Variants in VPS13B observed in about 807,000 individuals in gnomAD.
VPS13B encodes vacuolar protein sorting 13 homolog B.
VPS13B carries 285 observed loss-of-function variants against 426.4 expected under a neutral mutation model. The ratio of observed to expected loss-of-function variants is 0.67; its 90% CI spans 0.61 to 0.74. The LOEUF is 0.74. VPS13B is among the 30% of genes least tolerant of loss of function. The pLI, the probability that VPS13B is intolerant of heterozygous loss-of-function variation, is 0.00. For synonymous variants in VPS13B, 1,676 were observed against 1,676.4 expected, an observed-to-expected ratio of 1.00 and a Z score of 0.01; for missense variants, 4,537 against 4,782.6, an observed-to-expected ratio of 0.95 and a Z score of 1.51.
At chr8:99,857,242 G>A (rs1188063473) in intron 56 of VPS13B, among the ~76,000 whole-genome samples, 1 of 152,220 alleles carries the variant, frequency 6.6e-6, no homozygotes, top group Non-Finnish European at 1.5e-5. Context: ...ACTGGCAGGA[G>A]CAAGAGGCCG....
chr8:99,404,878 A>G (rs1815241402), intron 21 of VPS13B, among the ~76,000 whole-genome samples: 1 of 152,202 alleles, frequency 6.6e-6, no homozygotes, highest in Non-Finnish European at 1.5e-5. Flanking sequence ...AAGATATGTG[A>G]AAGTTCTTTA....
intron 33 of VPS13B, among the ~76,000 whole-genome samples, chr8:99,587,518 AC>A: frequency 6.6e-6 from 1 of 151,756 alleles, no homozygotes; most frequent in East Asian, 1.9e-4. Context: ...CTCCATTCCA[AC>A]TGGCATGAGA....
At chr8:99,352,816 C>T (rs892989744) in intron 19 of VPS13B, among the ~76,000 whole-genome samples, 1 of 151,118 alleles carries the variant, frequency 6.6e-6, no homozygotes, top group African/African-American at 2.4e-5. Flanking sequence ...AAGAGCAGAA[C>T]TCCATCTCAA....
intron 12 of VPS13B, among the ~76,000 whole-genome samples, chr8:99,140,730 A>C (rs1810373820): frequency 7.1e-6 from 1 of 140,022 alleles, no homozygotes; most frequent in Admixed American, 8.2e-5. Context: ...AGTATACTTT[A>C]GTCATTTTTG....
intron 58 of VPS13B, among the ~76,000 whole-genome samples, chr8:99,862,229 G>A (rs563121876): frequency 6.6e-6 from 1 of 152,360 alleles, no homozygotes; most frequent in South Asian, 2.1e-4. Flanking sequence ...GCATAGTGGT[G>A]TCTGCAAGAG....
chr8:99,164,311 A>G (rs1012072537), intron 15 of VPS13B, among the ~76,000 whole-genome samples: 9 of 152,114 alleles, frequency 5.9e-5, no homozygotes, highest in Non-Finnish European at 1.3e-4. Flanking sequence ...ATGTTGCCCA[A>G]CTCCAGAGGT....
intron 14 of VPS13B, among the ~76,000 whole-genome samples, chr8:99,151,365 T>G (rs2132609320): frequency 6.6e-6 from 1 of 152,326 alleles, no homozygotes; most frequent in East Asian, 1.9e-4. Flanking sequence ...GCAGAAATTT[T>G]GAATTTTTAG....
rs540274820 is a variant in VPS13B, at chr8:99,473,972, G to A, written c.3666+6338G>A. On this transcript the variant is annotated intron_variant, in intron 24 of 61. Transcript: ENST00000357162. ...ACCTCTATCCTGAAAACCATAAAGC[G>A]TTGCTGAGAAAACTTAACACCTGAA... Among the ~76,000 whole-genome samples, 40 of 152,144 alleles carry A rather than the reference G, an allele frequency of 2.6e-4. No individual in the cohort carries two copies. The South Asian group carries it at 6.6e-3, about 25-fold the overall frequency.
At chr8:99,613,556 A>G (rs148598854) in intron 33 of VPS13B, among the ~76,000 whole-genome samples, 104 of 152,304 alleles carry the variant, frequency 6.8e-4, no homozygotes, top group South Asian at 3.7e-3. Context: ...TAGGTGCTTA[A>G]TATGTTTTGT....
At chr8:99,509,355 A>G (rs947397444) in intron 28 of VPS13B, among the ~76,000 whole-genome samples, 2 of 152,144 alleles carry the variant, frequency 1.3e-5, no homozygotes, top group Non-Finnish European at 2.9e-5. Flanking sequence ...AGAGCAGGCT[A>G]TTATTGGGAA....
At chr8:99,741,405 G>C (rs1223498352) in intron 39 of VPS13B, among the ~76,000 whole-genome samples, 1 of 152,152 alleles carries the variant, frequency 6.6e-6, no homozygotes, top group Admixed American at 6.5e-5. Flanking sequence ...GTCAACATTA[G>C]ACAGATCAAC....
At chr8:99,234,303 C>G (rs1449469997) in intron 17 of VPS13B, 2 of 758,506 alleles carry the variant, frequency 2.6e-6, no homozygotes, top group Non-Finnish European at 4.9e-6. Context: ...TTGACTTGTT[C>G]CACATTCTCC....
chr8:99,812,016 G>A (rs1250202915), intron 44 of VPS13B, among the ~76,000 whole-genome samples: 3 of 152,102 alleles, frequency 2.0e-5, no homozygotes, highest in Admixed American at 2.0e-4. Flanking sequence ...ATATTTTCAA[G>A]AAACAATGTT....
chr8:99,699,909 T>G lies in VPS13B; in HGVS notation c.6431T>G (p.Val2144Gly). 6.2e-7 allele frequency: 1 copy of G among 1,613,898 alleles called. No individual in the cohort carries two copies. The highest frequency in any genetic ancestry group is 8.5e-7 in the Non-Finnish European group (1 of 1,179,932). The change falls in exon 36 of 62, where the codon GTC becomes GGC. Residue 2144 changes from valine to glycine, a missense_variant. Physicochemically the swap from Val to Gly is moderately radical, Grantham distance 109. Transcript: ENST00000357162. ...TCAAACCTCAATGGAAGCCTTAGTG[T>G]CAAGGCAACACAAAAAGTACCTGGT... is the stretch of plus-strand genomic sequence containing the variant. ...SLSNLNGSLS[V>G]KATQKVPGII...
intron 34 of VPS13B, among the ~76,000 whole-genome samples, chr8:99,658,626 T>C (rs1830105788): frequency 6.6e-6 from 1 of 152,226 alleles, no homozygotes; most frequent in Non-Finnish European, 1.5e-5. Context: ...TTTACACACT[T>C]ACCTGACTTC....
At chr8:99,442,106 A>C (rs544280976) in intron 22 of VPS13B, among the ~76,000 whole-genome samples, 4 of 152,274 alleles carry the variant, frequency 2.6e-5, no homozygotes, top group African/African-American at 7.2e-5. Context: ...ACTGCAAAAG[A>C]AAGAGTGTTT....
chr8:99,415,849 C>T (rs1271905839), intron 21 of VPS13B, among the ~76,000 whole-genome samples: 80 of 152,246 alleles, frequency 5.3e-4, no homozygotes, highest in Admixed American at 5.0e-3. Flanking sequence ...TGGTGTCTGT[C>T]GACCCTTGCT....
At chr8:99,263,187 T>C (rs1818138450) in intron 17 of VPS13B, among the ~76,000 whole-genome samples, 2 of 152,332 alleles carry the variant, frequency 1.3e-5, no homozygotes, top group African/African-American at 4.8e-5. Context: ...TTTCAACTTA[T>C]TCTTAGATAT....
At chr8:99,747,448 C>CAG (rs1035660376) in intron 39 of VPS13B, among the ~76,000 whole-genome samples, 3 of 152,118 alleles carry the variant, frequency 2.0e-5, no homozygotes, top group African/African-American at 7.2e-5. Flanking sequence ...CAAGTGAATA[C>CAG]AGACCAGCTG....
Sources: allele counts gnomAD v4.1 joint callset (sites outside exome capture counted in the v4.1 genomes callset), GRCh38; gene constraint gnomAD v4.1.1; transcripts MANE v1.5; gene names NCBI Gene and HGNC (gene_info 2026-07-23, HGNC 2026-07-21).